Variants in CPEB3 observed in about 807,000 individuals in gnomAD.
The protein encoded by CPEB3 is cytoplasmic polyadenylation element-binding protein 3.
Under a neutral mutation model 67.2 loss-of-function variants are expected in CPEB3, and 20 were observed. The observed-to-expected ratio is 0.30, with a 90% confidence interval of 0.21 to 0.43. CPEB3 has a LOEUF of 0.43. Among genes scored for constraint, CPEB3 ranks in the 20% least tolerant of loss-of-function variants. The pLI is 1.00. For missense variants in CPEB3, 746 were observed against 968.6 expected, an observed-to-expected ratio of 0.77 and a Z score of 3.05; for synonymous variants, 376 against 393.1, an observed-to-expected ratio of 0.96 and a Z score of 0.51.
intron 3 of CPEB3, 39 bp downstream of exon 3, chr10:92,192,438 A>C: frequency 2.6e-6 from 4 of 1,551,880 alleles, no homozygotes; most frequent in Non-Finnish European, 3.5e-6. Context: ...TTTTTGCTTA[A>C]AACACCAAGC....
chr10:92,288,053 A>G (rs1842617510), intron 1 of CPEB3, among the ~76,000 whole-genome samples: 1 of 152,214 alleles, frequency 6.6e-6, no homozygotes, highest in Admixed American at 6.5e-5. Context: ...AGCATGTATC[A>G]TAACTTTATT....
At chr10:92,258,334 A>G (rs1270634830) in intron 1 of CPEB3, among the ~76,000 whole-genome samples, 1 of 151,744 alleles carries the variant, frequency 6.6e-6, no homozygotes, top group Non-Finnish European at 1.5e-5. Context: ...TCCTGACCTC[A>G]GGTGATCCAC....
intron 2 of CPEB3, among the ~76,000 whole-genome samples, chr10:92,225,199 T>C (rs1353784136): frequency 1.3e-5 from 2 of 152,042 alleles, no homozygotes; most frequent in East Asian, 3.9e-4. Context: ...GGCCTCAATC[T>C]CTTGACCTCG....
At position 92,050,615 on chromosome 10, in the gene CPEB3, A is replaced by G. The variant is rs1445098236; in HGVS notation, c.*1597T>C. On this transcript the variant is annotated 3_prime_UTR_variant, in exon 10 of 10. Transcript: ENST00000265997. Reference sequence around the variant, plus strand: ...CTTCATTCTAGACCACGCTAGTGCTAGCAGGCCTTCATTCTACTCAAGCTT... The same window carrying G: ...CTTCATTCTAGACCACGCTAGTGCTGGCAGGCCTTCATTCTACTCAAGCTT... The G allele has an allele frequency of 6.6e-6, 1 of 152,342 alleles. No homozygotes were observed. Among genetic ancestry groups the G allele is most frequent in the Non-Finnish European group, 1.5e-5 (1 of 68,038 alleles). The allele number at this position is 152,342 out of a possible 1,614,324, so 9.4% of individuals were successfully genotyped here. A position where few individuals can be genotyped will look rare whatever the true frequency, so the allele number is the denominator to read the frequency against.
At chr10:92,097,735 C>A (rs774927151) in intron 7 of CPEB3, among the ~76,000 whole-genome samples, 2 of 152,170 alleles carry the variant, frequency 1.3e-5, no homozygotes, top group Admixed American at 6.5e-5. Context: ...AAAGTGTGTT[C>A]TGTGGAACAT....
At chr10:92,223,094 C>T (rs1850780651) in intron 2 of CPEB3, among the ~76,000 whole-genome samples, 1 of 152,180 alleles carries the variant, frequency 6.6e-6, no homozygotes, top group Non-Finnish European at 1.5e-5. Flanking sequence ...CAAAGCCAGG[C>T]TATAACCCAC....
chr10:92,163,445 G>A (rs1203508199), intron 4 of CPEB3, among the ~76,000 whole-genome samples: 2 of 151,834 alleles, frequency 1.3e-5, no homozygotes, highest in African/African-American at 4.8e-5. Context: ...TACTTTCCTT[G>A]TGATAAAATC....
chr10:92,147,821 T>G (rs1342085987), intron 4 of CPEB3, among the ~76,000 whole-genome samples: 2 of 152,126 alleles, frequency 1.3e-5, no homozygotes, highest in Non-Finnish European at 2.9e-5. Context: ...ACAGAGCAAG[T>G]ACTGTCAAAA....
chr10:92,241,408 C>T (rs1851847981), intron 1 of CPEB3, among the ~76,000 whole-genome samples: 1 of 152,172 alleles, frequency 6.6e-6, no homozygotes, highest in Non-Finnish European at 1.5e-5. Flanking sequence ...TTTGAATCCT[C>T]CTGCTGCTGT....
At chr10:92,074,614 G>A (rs942054946) in intron 9 of CPEB3, among the ~76,000 whole-genome samples, 3 of 152,162 alleles carry the variant, frequency 2.0e-5, no homozygotes, top group Admixed American at 2.0e-4. Context: ...CTGAGAAATA[G>A]GGGAAAAGGC....
At chr10:92,127,941 T>A (rs527964883) in intron 6 of CPEB3, among the ~76,000 whole-genome samples, 15 of 148,670 alleles carry the variant, frequency 1.0e-4, no homozygotes, top group African/African-American at 3.4e-4. Flanking sequence ...GGGTGCACTA[T>A]ACACCAAACA....
At chr10:92,174,173 G>A (rs1289542910) in intron 4 of CPEB3, among the ~76,000 whole-genome samples, 1 of 152,212 alleles carries the variant, frequency 6.6e-6, no homozygotes, top group Non-Finnish European at 1.5e-5. Context: ...GGCATCAGGT[G>A]CTCAGCTCCC....
intron 7 of CPEB3, among the ~76,000 whole-genome samples, chr10:92,107,524 T>C (rs948678471): frequency 1.2e-4 from 18 of 152,234 alleles, no homozygotes; most frequent in Non-Finnish European, 2.6e-4. Context: ...TCTAGGTCCC[T>C]TGCTCTATTA....
intron 1 of CPEB3, among the ~76,000 whole-genome samples, chr10:92,260,496 A>T (rs1351444963): frequency 6.6e-6 from 1 of 150,614 alleles, no homozygotes; most frequent in African/African-American, 2.4e-5. Context: ...GGTTTCAGTG[A>T]GCCGGGACCA....
intron 1 of CPEB3, among the ~76,000 whole-genome samples, chr10:92,249,334 G>A (rs181238017): frequency 1.1e-4 from 16 of 149,816 alleles, no homozygotes; most frequent in Admixed American, 1.0e-3. Flanking sequence ...AGCCAAGATC[G>A]TGCCACTGCA....
intron 8 of CPEB3, among the ~76,000 whole-genome samples, chr10:92,088,196 T>G (rs1432973160): frequency 6.6e-6 from 1 of 152,020 alleles, no homozygotes; most frequent in Non-Finnish European, 1.5e-5. Flanking sequence ...TTCTTTTCCT[T>G]TCTAGGACTG....
chr10:92,073,460 C>T (rs538813018), intron 9 of CPEB3, among the ~76,000 whole-genome samples: 1 of 152,094 alleles, frequency 6.6e-6, no homozygotes, highest in African/African-American at 2.4e-5. Context: ...TTGAGACCAG[C>T]CTGGCCAACG....
rs1353843619 is a variant in CPEB3, at chr10:92,154,371, T to C, written c.1223-9286A>G. On this transcript the variant is annotated intron_variant, in intron 4 of 9. Coordinates refer to ENST00000265997, the MANE Select transcript of CPEB3 (RefSeq NM_014912.5). Reference sequence around the variant, plus strand: ...ATTTTTAAACTATATGTAATTGATATTTATTTTCAATCTTATTCTTTCATG... The same window carrying C: ...ATTTTTAAACTATATGTAATTGATACTTATTTTCAATCTTATTCTTTCATG... 5.2e-5 allele frequency among the ~76,000 whole-genome samples: 4 copies of C among 77,158 alleles called. No homozygotes were observed. In the African/African-American group the frequency reaches 5.5e-4, roughly 11 times the overall value. 50.6% of individuals were successfully genotyped at this position (77,158 alleles called of 152,430 possible). A position where few individuals can be genotyped will look rare whatever the true frequency, so the allele number is the denominator to read the frequency against.
intron 2 of CPEB3, among the ~76,000 whole-genome samples, chr10:92,226,083 C>T (rs1045793498): frequency 5.9e-5 from 9 of 152,018 alleles, no homozygotes; most frequent in Non-Finnish European, 7.4e-5. Context: ...GGCAACGGAG[C>T]GAGGCTCCAT....
Sources: allele counts gnomAD v4.1 joint callset (sites outside exome capture counted in the v4.1 genomes callset), GRCh38; gene constraint gnomAD v4.1.1; transcripts MANE v1.5; gene names NCBI Gene and HGNC (gene_info 2026-07-23, HGNC 2026-07-21).